The following CFAP52 variants were observed in gnomAD, a reference collection of about 807,000 sequenced individuals.
The protein encoded by CFAP52 is cilia and flagella associated protein 52.
CFAP52 carries 57 observed loss-of-function variants against 70.5 expected under a neutral mutation model. The ratio of observed to expected loss-of-function variants is 0.81; its 90% CI spans 0.65 to 1.01. The LOEUF (loss-of-function observed/expected upper bound fraction) is 1.01, where lower values mean the gene tolerates loss of function less well. CFAP52 is among the 50% of genes least tolerant of loss of function. The pLI, the probability that CFAP52 is intolerant of heterozygous loss-of-function variation, is 0.00. For missense variants in CFAP52, 785 were observed against 788.5 expected, an observed-to-expected ratio of 1.00 and a Z score of 0.05; for synonymous variants, 267 against 292.5, an observed-to-expected ratio of 0.91 and a Z score of 0.89.
chr17:9,613,262 C>T (rs1909782045), intron 8 of CFAP52, among the ~76,000 whole-genome samples: 1 of 150,644 alleles, frequency 6.6e-6, no homozygotes, highest in Non-Finnish European at 1.5e-5. Flanking sequence ...TAAATCTCAC[C>T]CAGCACAAGT....
At chr17:9,613,561 A>G (rs2151942649) in intron 8 of CFAP52, among the ~76,000 whole-genome samples, 1 of 151,996 alleles carries the variant, frequency 6.6e-6, no homozygotes, top group Middle Eastern at 3.4e-3. Flanking sequence ...TCTGTCACCC[A>G]GGCTGGAGTG....
chr17:9,634,703 G>A (rs924730437), intron 10 of CFAP52, among the ~76,000 whole-genome samples: 4 of 152,284 alleles, frequency 2.6e-5, no homozygotes, highest in African/African-American at 9.6e-5. Context: ...GGCAGAGGTC[G>A]CAGTGAGCCG....
chr17:9,631,881 C>T (rs1041118724), intron 9 of CFAP52, among the ~76,000 whole-genome samples: 3 of 151,298 alleles, frequency 2.0e-5, no homozygotes, highest in Non-Finnish European at 4.4e-5. Context: ...GATTCTCCTG[C>T]CTCAGCCTCC....
intron 3 of CFAP52, among the ~76,000 whole-genome samples, chr17:9,589,602 A>G (rs1330974435): frequency 6.6e-6 from 1 of 151,778 alleles, no homozygotes; most frequent in South Asian, 2.1e-4. Flanking sequence ...GCATGGTGGC[A>G]GGCGCCTGTA....
chr17:9,622,544 TAA>T (rs766869580), intron 8 of CFAP52, among the ~76,000 whole-genome samples: 1 of 146,428 alleles, frequency 6.8e-6, no homozygotes, highest in Admixed American at 6.9e-5. Flanking sequence ...CTGTTTCTAT[TAA>T]AAAAAAAAGA....
At chr17:9,615,188 T>A (rs1909856779) in intron 8 of CFAP52, among the ~76,000 whole-genome samples, 1 of 152,240 alleles carries the variant, frequency 6.6e-6, no homozygotes, top group Non-Finnish European at 1.5e-5. Context: ...ATGTTCTTTG[T>A]TTTCAATTGC....
In CFAP52 at chr17:9,631,059, A is replaced by G. The variant is rs1910501380; in HGVS notation, c.1175-1829A>G. Among the ~76,000 whole-genome samples the G allele has an allele frequency of 1.1e-4, 13 of 119,976 alleles. 1 individual carries two copies. Among genetic ancestry groups the G allele is most frequent in the African/African-American group, 4.6e-4 (13 of 28,094 alleles). 78.7% of individuals were successfully genotyped at this position (119,976 alleles called of 152,430 possible). A position where few individuals can be genotyped will look rare whatever the true frequency, so the allele number is the denominator to read the frequency against. ...GAGAGAGAGAGAGAGAGAGAGAAAGAAAGAAAGAAAGAAAGAAAGAAAGAG... is the reference window on the plus strand; with the variant it reads ...GAGAGAGAGAGAGAGAGAGAGAAAGGAAGAAAGAAAGAAAGAAAGAAAGAG... On this transcript the variant is annotated intron_variant, in intron 9 of 13. Transcript: ENST00000352665.
chr17:9,609,419 G>T (rs1312168618), intron 7 of CFAP52, among the ~76,000 whole-genome samples: 1 of 152,322 alleles, frequency 6.6e-6, no homozygotes, highest in South Asian at 2.1e-4. Context: ...GGGAGGCCAG[G>T]TGCAGTGGCT....
At chr17:9,615,745 G>A (rs2151943566) in intron 8 of CFAP52, among the ~76,000 whole-genome samples, 1 of 149,144 alleles carries the variant, frequency 6.7e-6, no homozygotes, top group African/African-American at 2.5e-5. Flanking sequence ...GAGTAGCTGG[G>A]ATGCAGGCAT....
intron 11 of CFAP52, among the ~76,000 whole-genome samples, chr17:9,638,048 C>T (rs769000395): frequency 6.6e-6 from 1 of 152,238 alleles, no homozygotes; most frequent in South Asian, 2.1e-4. Context: ...CCCCACGTGA[C>T]AGGCTCGTGC....
chr17:9,583,344 G>A (rs1908307219), intron 1 of CFAP52, among the ~76,000 whole-genome samples: 1 of 151,912 alleles, frequency 6.6e-6, no homozygotes, highest in African/African-American at 2.4e-5. Context: ...TTTAGCTACA[G>A]GAATCACATA....
intron 1 of CFAP52, among the ~76,000 whole-genome samples, chr17:9,579,570 C>G (rs1236190805): frequency 6.6e-6 from 1 of 152,114 alleles, no homozygotes. Context: ...CATTATTCAA[C>G]TTGAATTTTG....
intron 12 of CFAP52, among the ~76,000 whole-genome samples, chr17:9,640,537 C>T (rs983260035): frequency 2.6e-5 from 4 of 152,092 alleles, no homozygotes; most frequent in Non-Finnish European, 5.9e-5. Flanking sequence ...AGGATAATGG[C>T]TCCCAACTCC....
chr17:9,583,817 G>T (rs369072027), intron 1 of CFAP52, among the ~76,000 whole-genome samples: 1 of 152,154 alleles, frequency 6.6e-6, no homozygotes, highest in African/African-American at 2.4e-5. Context: ...TATTACAAGG[G>T]TTTATAATTG....
At chr17:9,634,295 C>A (rs112525953) in intron 10 of CFAP52, among the ~76,000 whole-genome samples, 2 of 152,184 alleles carry the variant, frequency 1.3e-5, no homozygotes, top group Non-Finnish European at 2.9e-5. Flanking sequence ...TATAAGAAGG[C>A]GTAAGCATCT....
intron 8 of CFAP52, among the ~76,000 whole-genome samples, chr17:9,613,500 GTTTTTGTT>G (rs1567629619): frequency 1.3e-5 from 2 of 149,274 alleles, no homozygotes; most frequent in African/African-American, 2.5e-5. Flanking sequence ...TTTTTGGGGG[GTTTTTGTT>G]TGTTTGTTTG....
chr17:9,641,960 G>T, intron 13 of CFAP52, 125 bp downstream of exon 13: 2 of 696,674 alleles, frequency 2.9e-6, no homozygotes, highest in African/African-American at 1.8e-5. Flanking sequence ...GTTAGAATCA[G>T]ATTCCAACCA....
intron 7 of CFAP52, among the ~76,000 whole-genome samples, chr17:9,611,722 G>A (rs1597783902): frequency 6.6e-6 from 1 of 152,132 alleles, no homozygotes; most frequent in East Asian, 1.9e-4. Context: ...CTTAATGCAA[G>A]CATCATAAAC....
chr17:9,602,814 A>G (rs986430219), intron 6 of CFAP52, among the ~76,000 whole-genome samples: 1 of 152,178 alleles, frequency 6.6e-6, no homozygotes, highest in Non-Finnish European at 1.5e-5. Flanking sequence ...CATTCTAACT[A>G]ACGTGAGATG....
Sources: gnomAD v4.1 joint callset for allele counts (sites outside exome capture counted in the v4.1 genomes callset) on GRCh38, gnomAD v4.1.1 for gene constraint, MANE v1.5 for transcripts, NCBI Gene and HGNC (gene_info 2026-07-23, HGNC 2026-07-21) for gene names.